PPP2R2A: variants seen among roughly 807,000 people sequenced by gnomAD.
PPP2R2A encodes the protein protein phosphatase 2 regulatory subunit Balpha, also known as serine/threonine-protein phosphatase 2A 55 kDa regulatory subunit B alpha isoform.
PPP2R2A carries 9 observed loss-of-function variants against 53.2 expected under a neutral mutation model. That is an observed-to-expected ratio of 0.17 (90% CI 0.10 to 0.30). The LOEUF (loss-of-function observed/expected upper bound fraction) is 0.30. Among genes scored for constraint, PPP2R2A ranks in the 10% least tolerant of loss-of-function variants. PPP2R2A has a pLI of 1.00. For missense variants in PPP2R2A, 235 were observed against 534.6 expected, an observed-to-expected ratio of 0.44 and a Z score of 5.53; for synonymous variants, 169 against 174.2, an observed-to-expected ratio of 0.97 and a Z score of 0.23.
At chr8:26,311,672 C>T (rs1392450817) in intron 2 of PPP2R2A, among the ~76,000 whole-genome samples, 1 of 152,120 alleles carries the variant, frequency 6.6e-6, no homozygotes, top group Non-Finnish European at 1.5e-5. Flanking sequence ...GTAGCATGAC[C>T]CTGTCTCTGA....
At chr8:26,341,240 T>C (rs1390172599) in intron 3 of PPP2R2A, among the ~76,000 whole-genome samples, 1 of 152,180 alleles carries the variant, frequency 6.6e-6, no homozygotes, top group Non-Finnish European at 1.5e-5. Context: ...TAATTTGGTG[T>C]GTTTTGCCTA....
chr8:26,341,353 G>A (rs904204693), intron 3 of PPP2R2A, among the ~76,000 whole-genome samples: 1 of 152,050 alleles, frequency 6.6e-6, no homozygotes, highest in African/African-American at 2.4e-5. Context: ...GACACTTAGA[G>A]GCACCTTTGT....
intron 2 of PPP2R2A, chr8:26,333,685 G>A (rs1015841130): frequency 2.5e-6 from 1 of 393,784 alleles, no homozygotes; most frequent in Admixed American, 4.5e-5. Context: ...TTTTTATACT[G>A]AGAGTTACAT....
rs1805042531 is a variant in PPP2R2A, at chr8:26,360,823, A to G, written c.460-151A>G. 1 of 657,136 alleles carries G rather than the reference A, an allele frequency of 1.5e-6. No homozygotes were observed. 40.7% of individuals were successfully genotyped at this position (657,136 alleles called of 1,614,324 possible). The stretch of plus-strand genomic sequence containing the variant: ...CATTTTTTCTTCAGCACTCGAAAGG[A>G]TCAACATCAGTTGCTTTTTAAAACT... On this transcript the variant is annotated intron_variant, in intron 5 of 9. Coordinates refer to ENST00000380737, the MANE Select transcript of PPP2R2A (RefSeq NM_002717.4). This position sits in a 1 kb window ranked among gnomAD's most constrained non-coding sequence, Gnocchi z 4.5.
chr8:26,366,470 A>G (rs955096235), intron 9 of PPP2R2A, 64 bp downstream of exon 9: 3 of 1,275,996 alleles, frequency 2.4e-6, no homozygotes, highest in Non-Finnish European at 2.2e-6. Flanking sequence ...ATTTCATTCC[A>G]GGTCCTAACT....
chr8:26,323,118 G>T (rs754942878), intron 2 of PPP2R2A, among the ~76,000 whole-genome samples: 20 of 152,048 alleles, frequency 1.3e-4, no homozygotes, highest in Non-Finnish European at 4.4e-5. Flanking sequence ...CAGACCTCTG[G>T]CTTTCTTTAT....
intron 2 of PPP2R2A, among the ~76,000 whole-genome samples, chr8:26,311,689 G>C (rs565233058): frequency 1.3e-5 from 2 of 152,234 alleles, no homozygotes; most frequent in South Asian, 2.1e-4. Context: ...CTGAAACAAT[G>C]AACGAAAAAT....
At chr8:26,345,904 CT>C (rs1804189317) in intron 3 of PPP2R2A, among the ~76,000 whole-genome samples, 1 of 152,084 alleles carries the variant, frequency 6.6e-6, no homozygotes, top group Non-Finnish European at 1.5e-5. Context: ...GGCATCAGCT[CT>C]TTTTCTCACG....
intron 2 of PPP2R2A, among the ~76,000 whole-genome samples, chr8:26,314,888 TCCCCCC>T (rs3070128): frequency 1.5e-5 from 1 of 65,794 alleles, no homozygotes; most frequent in Non-Finnish European, 2.6e-5. Flanking sequence ...TTTTTTCCCT[TCCCCCC>T]CCCCCCCCCA....
intron 3 of PPP2R2A, among the ~76,000 whole-genome samples, chr8:26,348,537 T>C (rs1272609653): frequency 6.6e-6 from 1 of 152,228 alleles, no homozygotes; most frequent in Non-Finnish European, 1.5e-5. Flanking sequence ...TATTTAGACT[T>C]GGGTCCCCTC....
intron 2 of PPP2R2A, among the ~76,000 whole-genome samples, chr8:26,324,611 C>G (rs1000515718): frequency 3.3e-5 from 5 of 152,166 alleles, no homozygotes; most frequent in Non-Finnish European, 7.4e-5. Context: ...GGTCGGAGCC[C>G]CCACACAGAG....
chr8:26,363,950 G>A, intron 8 of PPP2R2A, 60 bp downstream of exon 8: 2 of 1,409,452 alleles, frequency 1.4e-6, no homozygotes, highest in Middle Eastern at 2.6e-4. Flanking sequence ...TGTTTATAGA[G>A]AAGGATTTTG....
At chr8:26,347,417 G>GTT (rs10706344) in intron 3 of PPP2R2A, among the ~76,000 whole-genome samples, 1 of 142,182 alleles carries the variant, frequency 7.0e-6, no homozygotes, top group Non-Finnish European at 1.5e-5. Flanking sequence ...TGCATGGAGG[G>GTT]TTTTTTTTTT....
chr8:26,316,535 A>C (rs2117252117), intron 2 of PPP2R2A, among the ~76,000 whole-genome samples: 1 of 152,348 alleles, frequency 6.6e-6, no homozygotes, highest in East Asian at 1.9e-4. Context: ...GAAATAATTT[A>C]AATTAACACA....
chr8:26,332,363 C>CAAAA (rs3070132), intron 2 of PPP2R2A, among the ~76,000 whole-genome samples: 6 of 90,996 alleles, frequency 6.6e-5, no homozygotes, highest in African/African-American at 2.0e-4. Flanking sequence ...TCTTTTGTCT[C>CAAAA]AAAAAAAAAA....
chr8:26,321,483 G>C lies in PPP2R2A; in HGVS notation c.83-17407G>C, dbSNP rs1019063759. On this transcript the variant is annotated intron_variant, in intron 2 of 9. Transcript: ENST00000380737. This position sits in a 1 kb window ranked among gnomAD's most constrained non-coding sequence, Gnocchi z 4.1. ...GACCTCTCGTGACTTGCTTCCACAA[G>C]TGGGGCAAGATGCTGGGATGCTGCT... Among the ~76,000 whole-genome samples, 1 of 152,216 alleles carries C rather than the reference G, an allele frequency of 6.6e-6. No individual in the cohort carries two copies. The highest frequency in any genetic ancestry group is 2.4e-5 in the African/African-American group (1 of 41,454).
rs1440779913 is a variant in PPP2R2A, at chr8:26,363,943, TTATA to T, written c.972+54_972+57del. 3.5e-5 allele frequency: 51 copies of T among 1,441,146 alleles called. No homozygotes were observed. The East Asian group carries it at 1.0e-3, about 28-fold the overall frequency. The allele number at this position is 1,441,146 out of a possible 1,614,324, so 89.3% of individuals were successfully genotyped here. ...ATATACCCTGTTTACTTTGAAGTGTTTATAGAGAAGGATTTTGTTACTAGGTTTT... is the reference window on the plus strand; with the variant it reads ...ATATACCCTGTTTACTTTGAAGTGTTGAGAAGGATTTTGTTACTAGGTTTT... On this transcript the variant is annotated intron_variant, in intron 8 of 9. Coordinates refer to ENST00000380737, the MANE Select transcript of PPP2R2A (RefSeq NM_002717.4).
intron 8 of PPP2R2A, chr8:26,365,200 T>C (rs1385533947): frequency 1.3e-5 from 2 of 152,204 alleles, no homozygotes; most frequent in Non-Finnish European, 2.9e-5. Context: ...TTAAAAGTAG[T>C]CACATTATAG....
chr8:26,359,374 G>A (rs141004335), intron 4 of PPP2R2A, among the ~76,000 whole-genome samples: 10 of 152,302 alleles, frequency 6.6e-5, no homozygotes, highest in Non-Finnish European at 1.0e-4. Context: ...ATACAAAGTC[G>A]ACGTCTTAGT....
Sources: allele counts gnomAD v4.1 joint callset (sites outside exome capture counted in the v4.1 genomes callset), GRCh38; gene constraint gnomAD v4.1.1; non-coding constraint Gnocchi (gnomAD v3.1); transcripts MANE v1.5; gene names NCBI Gene and HGNC (gene_info 2026-07-23, HGNC 2026-07-21).